Variants in AUTS2 observed in about 807,000 individuals in gnomAD.
AUTS2 encodes the protein autism susceptibility gene 2 protein.
AUTS2 carries 17 observed loss-of-function variants against 112.4 expected under a neutral mutation model. The observed-to-expected ratio is 0.15, with a 90% CI of 0.10 to 0.23. The LOEUF (loss-of-function observed/expected upper bound fraction) is 0.23, where lower values mean the gene tolerates loss of function less well. Among genes scored for constraint, AUTS2 ranks in the 10% least tolerant of loss-of-function variants. The probability of loss-of-function intolerance (pLI) is 1.00; values close to 1 mark genes in which losing one functional copy is unlikely to be tolerated. For synonymous variants in AUTS2, 751 were observed against 702.7 expected (o/e 1.07, Z -1.09); for missense variants, 1,510 against 1,701.6 (o/e 0.89, Z 1.98).
At chr7:70,484,740 A>G (rs1230908797) in intron 5 of AUTS2, among the ~76,000 whole-genome samples, 2 of 152,210 alleles carry the variant, frequency 1.3e-5, no homozygotes, top group Non-Finnish European at 1.5e-5. Flanking sequence ...AAGGTGTAGG[A>G]TGACTTGAAA....
intron 4 of AUTS2, among the ~76,000 whole-genome samples, chr7:70,259,634 C>T (rs1787062755): frequency 6.6e-6 from 1 of 152,202 alleles, no homozygotes; most frequent in Admixed American, 6.5e-5. Context: ...TGGTGCCAGT[C>T]ACCCTTGGCA....
chr7:70,139,347 T>C (rs1407834467), intron 4 of AUTS2, among the ~76,000 whole-genome samples: 1 of 152,212 alleles, frequency 6.6e-6, no homozygotes, highest in Non-Finnish European at 1.5e-5. Context: ...CAGATAATAC[T>C]CACCAGTGGT....
chr7:70,638,683 A>T (rs1437564986), intron 5 of AUTS2, among the ~76,000 whole-genome samples: 1 of 152,170 alleles, frequency 6.6e-6, no homozygotes, highest in Non-Finnish European at 1.5e-5. Flanking sequence ...GGAAAAGCCA[A>T]GCGCTTTAAT....
intron 4 of AUTS2, among the ~76,000 whole-genome samples, chr7:70,422,733 G>A (rs143039974): frequency 0.033 from 5,056 of 152,088 alleles, 117 homozygotes; most frequent in South Asian, 0.062. Flanking sequence ...CCAAGATCGC[G>A]CCACTGTGCT....
intron 4 of AUTS2, among the ~76,000 whole-genome samples, chr7:70,246,916 G>A (rs1812952460): frequency 6.6e-6 from 1 of 150,906 alleles, no homozygotes; most frequent in Admixed American, 6.6e-5. Context: ...TTACCTATTT[G>A]CAAATTTCTA....
chr7:69,756,813 T>C (rs1787963878), intron 1 of AUTS2, among the ~76,000 whole-genome samples: 1 of 152,188 alleles, frequency 6.6e-6, no homozygotes, highest in Non-Finnish European at 1.5e-5. Context: ...TGCATTTACC[T>C]GTTTGTAGCG....
At chr7:70,186,403 G>A (rs1313443154) in intron 4 of AUTS2, among the ~76,000 whole-genome samples, 1 of 151,884 alleles carries the variant, frequency 6.6e-6, no homozygotes, top group African/African-American at 2.4e-5. Context: ...TCACGTTAGA[G>A]CGTTTGTGTG....
intron 5 of AUTS2, among the ~76,000 whole-genome samples, chr7:70,451,323 T>C (rs1796519703): frequency 6.6e-6 from 1 of 152,204 alleles, no homozygotes; most frequent in Non-Finnish European, 1.5e-5. Flanking sequence ...TCACTCAATA[T>C]ACCCATGTAA....
At chr7:69,648,375 G>A (rs1486413776) in intron 1 of AUTS2, among the ~76,000 whole-genome samples, 1 of 151,120 alleles carries the variant, frequency 6.6e-6, no homozygotes, top group African/African-American at 2.4e-5. Flanking sequence ...TGGGGTGTTT[G>A]TTTAAAACAT....
chr7:70,485,818 G>A (rs1255072470), intron 5 of AUTS2, among the ~76,000 whole-genome samples: 2 of 151,822 alleles, frequency 1.3e-5, no homozygotes, highest in East Asian at 3.9e-4. Flanking sequence ...TCCATCCAGC[G>A]AGGGTGCTGG....
intron 3 of AUTS2, among the ~76,000 whole-genome samples, chr7:70,132,260 A>G (rs536626893): frequency 6.6e-6 from 1 of 151,976 alleles, no homozygotes; most frequent in Admixed American, 6.6e-5. Context: ...AAATGCTGAA[A>G]CAAATTCCAG....
At chr7:69,877,785 C>G (rs1418477316) in intron 1 of AUTS2, among the ~76,000 whole-genome samples, 1 of 152,148 alleles carries the variant, frequency 6.6e-6, no homozygotes, top group African/African-American at 2.4e-5. Flanking sequence ...GCAGTCTTAC[C>G]CCTCAGTGGA....
At chr7:69,876,419 T>C (rs1249199312) in intron 1 of AUTS2, among the ~76,000 whole-genome samples, 1 of 124,316 alleles carries the variant, frequency 8.0e-6, no homozygotes, top group Admixed American at 8.7e-5. Flanking sequence ...CATAATGTAT[T>C]TTATATTTAT....
At chr7:70,286,667 TA>T in intron 4 of AUTS2, among the ~76,000 whole-genome samples, 1 of 152,336 alleles carries the variant, frequency 6.6e-6, no homozygotes, top group South Asian at 2.1e-4. Flanking sequence ...TAAAATGTTT[TA>T]AAACATTTAA....
At chr7:69,882,945 C>T (rs1562948336) in intron 1 of AUTS2, among the ~76,000 whole-genome samples, 1 of 152,144 alleles carries the variant, frequency 6.6e-6, no homozygotes, top group Non-Finnish European at 1.5e-5. Context: ...AAGAGGAATT[C>T]CTCACATTTA....
intron 5 of AUTS2, among the ~76,000 whole-genome samples, chr7:70,504,964 T>C (rs2116685911): frequency 6.6e-6 from 1 of 152,344 alleles, no homozygotes; most frequent in South Asian, 2.1e-4. Flanking sequence ...GAAAAAAGTA[T>C]GATTAGTTGT....
In AUTS2 at chr7:70,731,420, C is replaced by CTTTTTT. The variant is rs56244002; in HGVS notation, c.743-31428_743-31423dup. Among the ~76,000 whole-genome samples, 116 of 69,510 alleles carry CTTTTTT rather than the reference C, an allele frequency of 1.7e-3. 14 individuals carry two copies. The highest frequency in any genetic ancestry group is 8.9e-3 in the East Asian group (16 of 1,798). The allele number at this position is 69,510 out of a possible 152,430, so 45.6% of individuals were successfully genotyped here. Reference sequence around the variant, plus strand: ...GCTCATATATCCCCTTTACCCAGATCTTTTTTTTTTTTTTTTTTTTTTTTT... The same window carrying CTTTTTT: ...GCTCATATATCCCCTTTACCCAGATCTTTTTTTTTTTTTTTTTTTTTTTTTTTTTTT... On this transcript the variant is annotated intron_variant, in intron 6 of 18. Transcript: ENST00000342771.
chr7:70,585,508 A>G (rs1242446867), intron 5 of AUTS2, among the ~76,000 whole-genome samples: 1 of 152,178 alleles, frequency 6.6e-6, no homozygotes, highest in Non-Finnish European at 1.5e-5. Context: ...CGAGAGCCCT[A>G]TCAGATGTTG....
intron 4 of AUTS2, among the ~76,000 whole-genome samples, chr7:70,351,447 T>C (rs1791759238): frequency 6.6e-6 from 1 of 152,254 alleles, no homozygotes; most frequent in Admixed American, 6.5e-5. Context: ...TGATGGACAC[T>C]TGGTTGATTT....
Sources: gnomAD v4.1 joint callset for allele counts (sites outside exome capture counted in the v4.1 genomes callset) on GRCh38, gnomAD v4.1.1 for gene constraint, MANE v1.5 for transcripts, NCBI Gene and HGNC (gene_info 2026-07-23, HGNC 2026-07-21) for gene names.